Variants in SLC39A11 observed in about 807,000 individuals in gnomAD.
The protein encoded by SLC39A11 is solute carrier family 39 member 11, also known as zinc transporter ZIP11.
A neutral mutation model predicts 36.1 loss-of-function variants in SLC39A11; 33 were observed. That is an observed-to-expected ratio of 0.91 (90% confidence interval 0.69 to 1.22). The LOEUF is 1.22. Among genes scored for constraint, SLC39A11 ranks in the 50% most tolerant of loss-of-function variants. SLC39A11 has a pLI of 0.00. For synonymous variants in SLC39A11, 166 were observed against 170.3 expected, an observed-to-expected ratio of 0.97 and a Z score of 0.20; for missense variants, 432 against 430.3, an observed-to-expected ratio of 1.00 and a Z score of -0.03.
chr17:72,738,165 C>T (rs962561731), intron 6 of SLC39A11, among the ~76,000 whole-genome samples: 23 of 152,156 alleles, frequency 1.5e-4, no homozygotes, highest in African/African-American at 5.5e-4. Context: ...CTACCACGCC[C>T]GTCTAATTTT....
intron 5 of SLC39A11, among the ~76,000 whole-genome samples, chr17:72,884,972 C>T (rs1216022119): frequency 6.6e-6 from 1 of 152,170 alleles, no homozygotes; most frequent in African/African-American, 2.4e-5. Context: ...TAACTTTCTT[C>T]AGATTTATCA....
intron 5 of SLC39A11, among the ~76,000 whole-genome samples, chr17:72,862,984 A>C (rs2080121257): frequency 6.6e-6 from 1 of 152,208 alleles, no homozygotes; most frequent in Admixed American, 6.5e-5. Context: ...CCACAAAAGC[A>C]CTTGGGGAGC....
chr17:72,680,098 G>C (rs867270416), intron 7 of SLC39A11, among the ~76,000 whole-genome samples: 4 of 110,256 alleles, frequency 3.6e-5, no homozygotes, highest in African/African-American at 1.5e-4. Context: ...ATATAACATA[G>C]AACTCAGCAT....
intron 5 of SLC39A11, among the ~76,000 whole-genome samples, chr17:72,937,095 T>C (rs2084818695): frequency 6.6e-6 from 1 of 152,216 alleles, no homozygotes; most frequent in African/African-American, 2.4e-5. Context: ...TCAGCTGATA[T>C]CCTTCTCTCT....
intron 4 of SLC39A11, among the ~76,000 whole-genome samples, chr17:72,994,070 G>A (rs903327173): frequency 1.3e-5 from 2 of 152,020 alleles, no homozygotes; most frequent in Admixed American, 6.5e-5. Context: ...AGTTTCACCC[G>A]TTACAGTCAT....
chr17:73,070,948 GAACT>G (rs1361811902), intron 3 of SLC39A11, among the ~76,000 whole-genome samples: 1 of 152,132 alleles, frequency 6.6e-6, no homozygotes, highest in Non-Finnish European at 1.5e-5. Flanking sequence ...GCATGAAAAT[GAACT>G]AATACACCTA....
chr17:72,919,000 T>C (rs894511005), intron 5 of SLC39A11, among the ~76,000 whole-genome samples: 2 of 152,064 alleles, frequency 1.3e-5, no homozygotes, highest in African/African-American at 4.8e-5. Context: ...GAGGCTGAGG[T>C]TGCAGTGAGC....
chr17:72,947,131 G>T (rs2085479930), intron 5 of SLC39A11, among the ~76,000 whole-genome samples: 2 of 152,160 alleles, frequency 1.3e-5, no homozygotes, highest in African/African-American at 4.8e-5. Flanking sequence ...GACCAGCCTG[G>T]CCAAATTGGT....
At chr17:72,799,535 T>C (rs1030506177) in intron 6 of SLC39A11, among the ~76,000 whole-genome samples, 15 of 152,106 alleles carry the variant, frequency 9.9e-5, no homozygotes, top group Non-Finnish European at 1.2e-4. Flanking sequence ...TAGCAAGGAA[T>C]ATTAATATTA....
intron 5 of SLC39A11, among the ~76,000 whole-genome samples, chr17:72,935,083 A>C (rs1371396821): frequency 6.6e-6 from 1 of 152,252 alleles, no homozygotes; most frequent in Non-Finnish European, 1.5e-5. Flanking sequence ...TAGACGTTTC[A>C]TTCATAATTG....
chr17:72,865,066 C>T (rs1014528352), intron 5 of SLC39A11, among the ~76,000 whole-genome samples: 1 of 151,908 alleles, frequency 6.6e-6, no homozygotes, highest in Non-Finnish European at 1.5e-5. Context: ...ACAGCAACAA[C>T]AAAAAAATGT....
At chr17:72,844,855 G>C (rs2078980940) in intron 6 of SLC39A11, among the ~76,000 whole-genome samples, 1 of 152,090 alleles carries the variant, frequency 6.6e-6, no homozygotes, top group Admixed American at 6.6e-5. Context: ...TCCCCCTAAA[G>C]CCCCTGGAGC....
At chr17:72,928,432 G>A (rs2084182274) in intron 5 of SLC39A11, among the ~76,000 whole-genome samples, 1 of 152,164 alleles carries the variant, frequency 6.6e-6, no homozygotes, top group African/African-American at 2.4e-5. Flanking sequence ...GGACCATCAG[G>A]AATTCTTCAT....
intron 6 of SLC39A11, among the ~76,000 whole-genome samples, chr17:72,846,176 T>G (rs1032751881): frequency 6.6e-6 from 1 of 151,972 alleles, no homozygotes; most frequent in Non-Finnish European, 1.5e-5. Flanking sequence ...ATTACAGGCA[T>G]GTGCCACCAC....
chr17:72,770,638 T>C (rs2075900345), intron 6 of SLC39A11, among the ~76,000 whole-genome samples: 1 of 152,224 alleles, frequency 6.6e-6, no homozygotes, highest in South Asian at 2.1e-4. Flanking sequence ...TCTCATCTCA[T>C]GCAGGTCTAA....
chr17:72,745,233 G>A (rs184680209), intron 6 of SLC39A11, among the ~76,000 whole-genome samples: 67 of 152,350 alleles, frequency 4.4e-4, no homozygotes, highest in African/African-American at 1.5e-3. Context: ...ACCTGTACAC[G>A]GTAGCTTGAG....
intron 7 of SLC39A11, among the ~76,000 whole-genome samples, chr17:72,653,873 C>T (rs2069983688): frequency 6.6e-6 from 1 of 152,098 alleles, no homozygotes. Context: ...AGGCCCTGGG[C>T]AGGAAGTCAA....
chr17:72,811,403 T>A (rs1388735909), intron 6 of SLC39A11, among the ~76,000 whole-genome samples: 1 of 152,164 alleles, frequency 6.6e-6, no homozygotes, highest in African/African-American at 2.4e-5. Flanking sequence ...GGTACAAACA[T>A]TCAGGCCATG....
chr17:72,699,037 G>A lies in SLC39A11; in HGVS notation c.671+37613C>T, dbSNP rs961897509. Among the ~76,000 whole-genome samples, 15 of 152,232 alleles carry A rather than the reference G, an allele frequency of 9.9e-5. No individual in the cohort carries two copies. In the South Asian group the frequency reaches 2.3e-3, roughly 23 times the overall value. On this transcript the variant is annotated intron_variant, in intron 7 of 9. Coordinates refer to ENST00000255559, the MANE Select transcript of SLC39A11 (RefSeq NM_139177.4). The stretch of plus-strand genomic sequence containing the variant: ...GTAGAGACGGGGTTTCACCATGTTA[G>A]CCAGGATGGTCTCGATCTCCTGACC...
Sources: gnomAD v4.1 joint callset for allele counts (sites outside exome capture counted in the v4.1 genomes callset) on GRCh38, gnomAD v4.1.1 for gene constraint, MANE v1.5 for transcripts, NCBI Gene and HGNC (gene_info 2026-07-23, HGNC 2026-07-21) for gene names.